The following PPM1L variants were observed in gnomAD, a reference collection of about 807,000 sequenced individuals.
PPM1L encodes the protein protein phosphatase 1L.
In PPM1L, 13 loss-of-function variants were observed where a neutral mutation model predicts 31.4. The ratio of observed to expected loss-of-function variants is 0.41; its 90% CI spans 0.27 to 0.66. The LOEUF (loss-of-function observed/expected upper bound fraction) is 0.66. Among genes scored for constraint, PPM1L ranks in the 30% least tolerant of loss-of-function variants. PPM1L has a pLI of 0.29. For synonymous variants in PPM1L, 184 were observed against 175.4 expected (o/e 1.05, Z -0.39); for missense variants, 326 against 453.7 (o/e 0.72, Z 2.56).
rs141440107 is a variant in PPM1L at position 160,978,648 on chromosome 3, G to A, written c.574+16738G>A. Among the ~76,000 whole-genome samples, 640 of 152,014 alleles carry A rather than the reference G, an allele frequency of 4.2e-3. 5 individuals carry two copies. Among genetic ancestry groups the A allele is most frequent in the African/African-American group, 0.014 (588 of 41,438 alleles). The stretch of plus-strand genomic sequence containing the variant: ...AGTTCAAGATCAGCCTGGGTAACAT[G>A]GTGAAACCCCATTTCTATAAAAATA... On this transcript the variant is annotated intron_variant, in intron 2 of 3. Transcript: ENST00000498165.
intron 2 of PPM1L, among the ~76,000 whole-genome samples, chr3:160,972,911 A>G (rs1344406396): frequency 1.3e-5 from 2 of 152,156 alleles, no homozygotes; most frequent in South Asian, 4.1e-4. Flanking sequence ...GTGAGATGGT[A>G]TCTCACTGTG....
chr3:160,978,911 CTTGTA>C (rs756345057), intron 2 of PPM1L, among the ~76,000 whole-genome samples: 21 of 151,682 alleles, frequency 1.4e-4, no homozygotes, highest in Admixed American at 7.9e-4. Flanking sequence ...TTTTAAAGCT[CTTGTA>C]TTGGACAGGA....
At position 160,937,293 on chromosome 3, in the gene PPM1L, A is replaced by C. The variant is rs182763288; in HGVS notation, c.400-24443A>C. 3.3e-4 allele frequency among the ~76,000 whole-genome samples: 51 copies of C among 152,326 alleles called. 1 individual carries two copies. The East Asian group carries it at 9.7e-3, about 29-fold the overall frequency. On this transcript the variant is annotated intron_variant, in intron 1 of 3. Transcript: ENST00000498165. Reference sequence around the variant, plus strand: ...CTCAGAATTATAACTTTTCTCATTTATCATCCATTTTATTTAATGATGAAA... The same window carrying C: ...CTCAGAATTATAACTTTTCTCATTTCTCATCCATTTTATTTAATGATGAAA...
At chr3:161,045,813 T>G (rs149400837) in intron 2 of PPM1L, among the ~76,000 whole-genome samples, 1,993 of 152,068 alleles carry the variant, frequency 0.013, 37 homozygotes, top group African/African-American at 0.044. Context: ...CAAAAAACCC[T>G]TCAAAAAATC....
chr3:161,022,647 AT>A (rs1342296829), intron 2 of PPM1L, among the ~76,000 whole-genome samples: 2 of 138,470 alleles, frequency 1.4e-5, no homozygotes, highest in Admixed American at 1.5e-4. Context: ...AACTTACTTA[AT>A]TTCTCCTTCT....
At chr3:160,851,820 T>C (rs1479828908) in intron 1 of PPM1L, among the ~76,000 whole-genome samples, 1 of 152,202 alleles carries the variant, frequency 6.6e-6, no homozygotes, top group Non-Finnish European at 1.5e-5. Context: ...ATTCTGCTGT[T>C]ACTCCGTAGT....
At chr3:160,872,652 C>T (rs1374299141) in intron 1 of PPM1L, among the ~76,000 whole-genome samples, 1 of 152,126 alleles carries the variant, frequency 6.6e-6, no homozygotes, top group Non-Finnish European at 1.5e-5. Flanking sequence ...TAGGGCTGGG[C>T]GCGGTGGCTT....
At chr3:160,873,509 A>G (rs758141819) in intron 1 of PPM1L, among the ~76,000 whole-genome samples, 2 of 152,104 alleles carry the variant, frequency 1.3e-5, no homozygotes, top group African/African-American at 2.4e-5. Context: ...TGGCATGTCC[A>G]TAGTGTTAGA....
chr3:160,994,745 C>T (rs1717250984), intron 2 of PPM1L, among the ~76,000 whole-genome samples: 1 of 152,042 alleles, frequency 6.6e-6, no homozygotes, highest in African/African-American at 2.4e-5. Context: ...AGGAAGGAGA[C>T]AAAATAATGA....
intron 2 of PPM1L, among the ~76,000 whole-genome samples, chr3:160,966,196 T>TTC (rs1417375091): frequency 6.6e-6 from 1 of 152,126 alleles, no homozygotes; most frequent in African/African-American, 2.4e-5. Flanking sequence ...TATATATTTT[T>TTC]ATTTTATATA....
chr3:160,872,247 C>G (rs1348033291), intron 1 of PPM1L, among the ~76,000 whole-genome samples: 1 of 152,198 alleles, frequency 6.6e-6, no homozygotes, highest in East Asian at 1.9e-4. Context: ...TTATAGCATC[C>G]AGCTAGCCAG....
At chr3:160,856,790 C>A (rs983612443) in intron 1 of PPM1L, among the ~76,000 whole-genome samples, 2 of 151,678 alleles carry the variant, frequency 1.3e-5, no homozygotes, top group Non-Finnish European at 2.9e-5. Flanking sequence ...TGCATGTGTA[C>A]CCTGAACTAC....
Position 160,756,442 on chromosome 3 carries a change from TGAA to T in PPM1L, c.137_139del (p.Lys46del). ...AGTTACTTCTTCCACACCGACGAGG[TGAA>T]GACCATCGTGAAGTCCAGCCGGGAC... On this transcript the variant is annotated inframe_deletion, in exon 1 of 4. Coordinates refer to ENST00000498165, the MANE Select transcript of PPM1L (RefSeq NM_139245.4). The surrounding 1 kb of genome is among the most constrained non-coding windows in gnomAD (Gnocchi z 6.2). 1.2e-6 allele frequency: 2 copies of T among 1,614,026 alleles called. No homozygotes were observed. The highest frequency in any genetic ancestry group is 2.2e-5 in the South Asian group (2 of 91,062).
intron 2 of PPM1L, among the ~76,000 whole-genome samples, chr3:161,018,607 AGGATTAT>A: frequency 6.6e-6 from 1 of 152,336 alleles, no homozygotes; most frequent in South Asian, 2.1e-4. Context: ...GTAGCATTTC[AGGATTAT>A]GGATATTTTT....
At chr3:160,864,289 C>T (rs1349844071) in intron 1 of PPM1L, among the ~76,000 whole-genome samples, 1 of 152,074 alleles carries the variant, frequency 6.6e-6, no homozygotes, top group Non-Finnish European at 1.5e-5. Flanking sequence ...CTCAGGTGAT[C>T]CCCCGCTGAC....
At chr3:160,767,820 G>T (rs1356873309) in intron 1 of PPM1L, among the ~76,000 whole-genome samples, 1 of 152,144 alleles carries the variant, frequency 6.6e-6, no homozygotes, top group African/African-American at 2.4e-5. Flanking sequence ...TTATGAGATT[G>T]CAATAGGGCA....
chr3:160,927,697 A>G (rs1051060289), intron 1 of PPM1L, among the ~76,000 whole-genome samples: 1 of 152,124 alleles, frequency 6.6e-6, no homozygotes, highest in South Asian at 2.1e-4. Context: ...AAGAAAAGCT[A>G]TTTGCCTCTC....
In PPM1L at chr3:160,949,465, G is replaced by A. The variant is rs528925745; in HGVS notation, c.400-12271G>A. Among the ~76,000 whole-genome samples the A allele has an allele frequency of 8.5e-5, 13 of 152,170 alleles. 1 individual carries two copies. The South Asian group carries it at 1.9e-3, about 22-fold the overall frequency. Reference sequence around the variant, plus strand: ...TGGTATAAAATAAGGTGTGATGCTCGGCAAGTATAAAATAGTCTGACATTT... The same window carrying A: ...TGGTATAAAATAAGGTGTGATGCTCAGCAAGTATAAAATAGTCTGACATTT... On this transcript the variant is annotated intron_variant, in intron 1 of 3. Transcript: ENST00000498165.
intron 1 of PPM1L, among the ~76,000 whole-genome samples, chr3:160,887,504 C>A (rs977835004): frequency 3.3e-5 from 5 of 151,684 alleles, no homozygotes; most frequent in African/African-American, 1.2e-4. Context: ...AAGGGAAGCC[C>A]ATCAGATTAA....
Sources: gnomAD v4.1 joint callset for allele counts (sites outside exome capture counted in the v4.1 genomes callset) on GRCh38, gnomAD v4.1.1 for gene constraint, Gnocchi (gnomAD v3.1) non-coding constraint, MANE v1.5 for transcripts, NCBI Gene and HGNC (gene_info 2026-07-23, HGNC 2026-07-21) for gene names.